The following CNTNAP2 variants were observed in gnomAD, a reference collection of about 807,000 sequenced individuals.
CNTNAP2 encodes the protein contactin associated protein 2, also known as contactin-associated protein-like 2.
CNTNAP2 carries 98 observed loss-of-function variants against 155.2 expected under a neutral mutation model. That is an observed-to-expected ratio of 0.63 (90% CI 0.54 to 0.75). The LOEUF is 0.75. CNTNAP2 is among the 30% of genes least tolerant of loss of function. CNTNAP2 has a pLI of 0.00. For synonymous variants in CNTNAP2, 651 were observed against 631.2 expected, an observed-to-expected ratio of 1.03 and a Z score of -0.47; for missense variants, 1,727 against 1,688.1, an observed-to-expected ratio of 1.02 and a Z score of -0.40.
chr7:146,914,334 T>C (rs1796351054), intron 3 of CNTNAP2, among the ~76,000 whole-genome samples: 1 of 152,088 alleles, frequency 6.6e-6, no homozygotes, highest in South Asian at 2.1e-4. Flanking sequence ...CTGGATCAAA[T>C]TGTGGATCCA....
At chr7:148,188,287 A>G (rs190999766) in intron 18 of CNTNAP2, among the ~76,000 whole-genome samples, 138 of 152,340 alleles carry the variant, frequency 9.1e-4, no homozygotes, top group African/African-American at 3.0e-3. Context: ...GGAGGATGGT[A>G]ATACCATCTC....
At chr7:146,960,056 T>A (rs1018862334) in intron 3 of CNTNAP2, among the ~76,000 whole-genome samples, 4 of 152,162 alleles carry the variant, frequency 2.6e-5, no homozygotes, top group Non-Finnish European at 5.9e-5. Context: ...CACCTGACAC[T>A]CACCTTCTCT....
At chr7:146,457,528 A>ATG (rs1796574776) in intron 1 of CNTNAP2, among the ~76,000 whole-genome samples, 1 of 70,578 alleles carries the variant, frequency 1.4e-5, no homozygotes, top group African/African-American at 5.4e-5. Flanking sequence ...ATATATATAT[A>ATG]TATATATAGT....
chr7:147,564,347 A>G (rs972504089), intron 12 of CNTNAP2, among the ~76,000 whole-genome samples: 22 of 152,164 alleles, frequency 1.4e-4, no homozygotes, highest in Non-Finnish European at 4.4e-5. Flanking sequence ...TTAATCTAAG[A>G]GTTCACTGAC....
At chr7:147,395,928 C>T (rs1033449304) in intron 10 of CNTNAP2, 148 bp downstream of exon 10, 1 of 776,282 alleles carries the variant, frequency 1.3e-6, no homozygotes, top group Non-Finnish European at 2.1e-6. Flanking sequence ...TTGTAGTATA[C>T]TTGTGATATT....
chr7:148,241,716 T>C (rs10952737), intron 20 of CNTNAP2, among the ~76,000 whole-genome samples: 46,383 of 152,142 alleles, frequency 0.3, 7,230 homozygotes, highest in Middle Eastern at 0.36. Context: ...ACAGAAAATA[T>C]GTTAAGAAAA....
chr7:146,522,294 C>G (rs922475050), intron 1 of CNTNAP2, among the ~76,000 whole-genome samples: 7 of 152,028 alleles, frequency 4.6e-5, no homozygotes, highest in Non-Finnish European at 1.5e-5. Context: ...ATAAAACACT[C>G]TGTCATGCTG....
intron 3 of CNTNAP2, among the ~76,000 whole-genome samples, chr7:147,008,213 A>C (rs1798560348): frequency 6.6e-6 from 1 of 152,134 alleles, no homozygotes; most frequent in East Asian, 1.9e-4. Context: ...AATCCTGGTT[A>C]TAAGCGTATT....
chr7:147,183,011 C>G (rs536865748), intron 8 of CNTNAP2, among the ~76,000 whole-genome samples: 2 of 152,094 alleles, frequency 1.3e-5, no homozygotes, highest in Non-Finnish European at 2.9e-5. Flanking sequence ...TCATTTTAAT[C>G]TAATTTCATC....
chr7:148,128,906 T>C (rs1804769125), intron 16 of CNTNAP2, among the ~76,000 whole-genome samples: 1 of 152,160 alleles, frequency 6.6e-6, no homozygotes, highest in Non-Finnish European at 1.5e-5. Context: ...TGGCAGCTCC[T>C]ATGGGTGCCA....
At chr7:146,649,635 T>C (rs1320589792) in intron 1 of CNTNAP2, among the ~76,000 whole-genome samples, 1 of 152,150 alleles carries the variant, frequency 6.6e-6, no homozygotes, top group Non-Finnish European at 1.5e-5. Context: ...ATTTAAAACA[T>C]TTTCAAAAAT....
intron 3 of CNTNAP2, among the ~76,000 whole-genome samples, chr7:146,889,824 C>T (rs1370925608): frequency 6.6e-6 from 1 of 151,918 alleles, no homozygotes; most frequent in Non-Finnish European, 1.5e-5. Flanking sequence ...TTCATCAATC[C>T]CCATGTCTTT....
chr7:146,569,649 A>T (rs1407555052), intron 1 of CNTNAP2, among the ~76,000 whole-genome samples: 1 of 152,192 alleles, frequency 6.6e-6, no homozygotes, highest in Admixed American at 6.5e-5. Flanking sequence ...GAGTTGCTCC[A>T]GGTAGGGTAG....
At chr7:147,040,340 A>G (rs1799235215) in intron 3 of CNTNAP2, among the ~76,000 whole-genome samples, 1 of 152,092 alleles carries the variant, frequency 6.6e-6, no homozygotes, top group Admixed American at 6.5e-5. Flanking sequence ...TAAATGTATG[A>G]ATGAAGCATT....
At chr7:147,104,943 G>A (rs1181817632) in intron 4 of CNTNAP2, among the ~76,000 whole-genome samples, 2 of 134,984 alleles carry the variant, frequency 1.5e-5, no homozygotes, top group Non-Finnish European at 3.2e-5. Flanking sequence ...TTATATAGTT[G>A]GATAGATATT....
intron 8 of CNTNAP2, among the ~76,000 whole-genome samples, chr7:147,212,989 C>T (rs1803189466): frequency 6.6e-6 from 1 of 152,008 alleles, no homozygotes; most frequent in Non-Finnish European, 1.5e-5. Context: ...GTATATTAGT[C>T]AGTATTCTCC....
At chr7:148,312,569 A>G (rs11767814) in intron 21 of CNTNAP2, among the ~76,000 whole-genome samples, 33,521 of 151,716 alleles carry the variant, frequency 0.22, 4,077 homozygotes, top group Middle Eastern at 0.3. Context: ...TGTGGAGGGA[A>G]GTATTGAGGA....
At chr7:147,809,113 C>A (rs1480555730) in intron 13 of CNTNAP2, among the ~76,000 whole-genome samples, 1 of 152,194 alleles carries the variant, frequency 6.6e-6, no homozygotes, top group African/African-American at 2.4e-5. Flanking sequence ...CTACTACTGG[C>A]AGCACGAGCA....
chr7:146,319,124 T>C (rs1359603713), intron 1 of CNTNAP2, among the ~76,000 whole-genome samples: 1 of 152,140 alleles, frequency 6.6e-6, no homozygotes. Flanking sequence ...TTGTTCTCCA[T>C]GATAAGATGT....
Sources: allele counts gnomAD v4.1 joint callset (sites outside exome capture counted in the v4.1 genomes callset), GRCh38; gene constraint gnomAD v4.1.1; transcripts MANE v1.5; gene names NCBI Gene and HGNC (gene_info 2026-07-23, HGNC 2026-07-21).